The following SAXO1 variants were observed in gnomAD, a reference collection of about 807,000 sequenced individuals.
The protein encoded by SAXO1 is 4930500O09Rik.
Under a neutral mutation model 17.5 loss-of-function variants are expected in SAXO1, and 21 were observed. The ratio of observed to expected loss-of-function variants is 1.20; its 90% confidence interval spans 0.85 to 1.72. The LOEUF is 1.72. Among genes scored for constraint, SAXO1 ranks in the 40% most tolerant of loss-of-function variants. The pLI is 0.00. For synonymous variants in SAXO1, 274 were observed against 216.5 expected (o/e 1.27, Z -2.33); for missense variants, 843 against 596.0 (o/e 1.41, Z -4.32).
chr9:18,960,756 G>A (rs138645078), intron 1 of SAXO1, among the ~76,000 whole-genome samples: 135 of 152,046 alleles, frequency 8.9e-4, no homozygotes, highest in Non-Finnish European at 1.5e-3. Flanking sequence ...ACTCCAGCCA[G>A]GACAACAGAG....
At chr9:18,990,779 C>T (rs576633585) in intron 1 of SAXO1, among the ~76,000 whole-genome samples, 13 of 152,248 alleles carry the variant, frequency 8.5e-5, no homozygotes, top group Non-Finnish European at 1.5e-4. Flanking sequence ...CAGTGAACTG[C>T]GCATGCAAGC....
chr9:19,037,494 T>C (rs1835970543), upstream of SAXO1, among the ~76,000 whole-genome samples: 1 of 152,196 alleles, frequency 6.6e-6, no homozygotes, highest in Non-Finnish European at 1.5e-5. Flanking sequence ...GTTCTCATGG[T>C]AGTAAGTCTC....
chr9:18,934,737 A>G (rs1831215082), intron 3 of SAXO1, among the ~76,000 whole-genome samples: 1 of 151,922 alleles, frequency 6.6e-6, no homozygotes, highest in South Asian at 2.1e-4. Flanking sequence ...ACATCTTACA[A>G]TTTTTTTGTG....
rs149299364 is a variant in SAXO1, at chr9:18,978,922, T to A, written c.39-27985A>T. ...AGTTACTCTCTTTTCAAAGAAAGTT[T>A]ACTCCAGTTGAAAAATAAGAAAGAC... On this transcript the variant is annotated intron_variant, in intron 1 of 3. Coordinates refer to ENST00000380534, the MANE Select transcript of SAXO1 (RefSeq NM_153707.4). 3.4e-3 allele frequency among the ~76,000 whole-genome samples: 516 copies of A among 152,318 alleles called. 1 individual carries two copies. The highest frequency in any genetic ancestry group is 0.012 in the African/African-American group (492 of 41,560).
chr9:18,979,280 G>C (rs1468183356), intron 1 of SAXO1, among the ~76,000 whole-genome samples: 1 of 152,134 alleles, frequency 6.6e-6, no homozygotes, highest in Non-Finnish European at 1.5e-5. Flanking sequence ...TAAAACAAGA[G>C]GAAGAATTCC....
chr9:19,002,834 A>G (rs1447975786), intron 1 of SAXO1, among the ~76,000 whole-genome samples: 1 of 152,246 alleles, frequency 6.6e-6, no homozygotes, highest in Non-Finnish European at 1.5e-5. Context: ...AAACTGGCAC[A>G]AGACAAGGAT....
chr9:19,027,696 T>G (rs1339324139), intron 1 of SAXO1: 2 of 1,357,600 alleles, frequency 1.5e-6, no homozygotes, highest in African/African-American at 2.9e-5. Context: ...ACTGATGAGC[T>G]GGATGCCATA....
At chr9:18,942,248 T>A (rs1831595023) in intron 2 of SAXO1, among the ~76,000 whole-genome samples, 1 of 152,214 alleles carries the variant, frequency 6.6e-6, no homozygotes, top group Non-Finnish European at 1.5e-5. Flanking sequence ...GGAAATCAGA[T>A]GGCTTTCCCC....
At chr9:18,950,142 G>A (rs1831970391) in intron 2 of SAXO1, among the ~76,000 whole-genome samples, 1 of 152,142 alleles carries the variant, frequency 6.6e-6, no homozygotes, top group Non-Finnish European at 1.5e-5. Flanking sequence ...CCTCTGCAAC[G>A]CTAATATACT....
chr9:19,046,951 C>G (rs1836231121), intron 1 of SAXO1, among the ~76,000 whole-genome samples: 1 of 152,202 alleles, frequency 6.6e-6, no homozygotes, highest in Admixed American at 6.5e-5. Context: ...CTTTGGGAAG[C>G]TGAGGCGGGC....
intron 1 of SAXO1, among the ~76,000 whole-genome samples, chr9:19,008,653 C>G (rs984900247): frequency 6.6e-6 from 1 of 152,146 alleles, no homozygotes; most frequent in African/African-American, 2.4e-5. Context: ...ACTGTGCCAG[C>G]TGTAAAGTCT....
chr9:19,040,292 C>G (rs1836047438), intron 1 of SAXO1, among the ~76,000 whole-genome samples: 1 of 152,098 alleles, frequency 6.6e-6, no homozygotes, highest in Admixed American at 6.6e-5. Context: ...GACACATGAG[C>G]ATTTGGGAAA....
chr9:18,938,369 G>A (rs1302131468), intron 3 of SAXO1, among the ~76,000 whole-genome samples: 1 of 152,098 alleles, frequency 6.6e-6, no homozygotes, highest in African/African-American at 2.4e-5. Flanking sequence ...TGTTTCTGGG[G>A]AGGCCTCAGG....
intron 3 of SAXO1, among the ~76,000 whole-genome samples, chr9:18,933,998 AT>A (rs1831178325): frequency 6.6e-6 from 1 of 152,312 alleles, no homozygotes; most frequent in South Asian, 2.1e-4. Context: ...GTGAGCCGAG[AT>A]TGCAGCCACT....
At chr9:19,043,085 T>C (rs185330223) in intron 1 of SAXO1, among the ~76,000 whole-genome samples, 117 of 151,858 alleles carry the variant, frequency 7.7e-4, no homozygotes, top group Non-Finnish European at 1.3e-3. Context: ...GGTGGGAGGA[T>C]CACTTGAGCC....
At chr9:18,965,931 C>T (rs10963879) in intron 1 of SAXO1, among the ~76,000 whole-genome samples, 81,866 of 152,090 alleles carry the variant, frequency 0.54, 25,453 homozygotes, top group Non-Finnish European at 0.7. Context: ...TGTTGTAAGG[C>T]AGGGCTGGTA....
intron 1 of SAXO1, among the ~76,000 whole-genome samples, chr9:18,971,690 T>A (rs1481364300): frequency 6.6e-6 from 1 of 152,230 alleles, no homozygotes; most frequent in Admixed American, 6.5e-5. Flanking sequence ...ATACTGTGTG[T>A]TCATAATTCA....
intron 1 of SAXO1, among the ~76,000 whole-genome samples, chr9:19,048,902 A>C (rs1308328615): frequency 1.3e-5 from 2 of 152,216 alleles, no homozygotes; most frequent in East Asian, 3.8e-4. Flanking sequence ...GGAAGCCAGG[A>C]TGTCTCCTAG....
intron 1 of SAXO1, among the ~76,000 whole-genome samples, chr9:19,030,780 C>G (rs969384284): frequency 6.6e-6 from 1 of 152,126 alleles, no homozygotes; most frequent in African/African-American, 2.4e-5. Flanking sequence ...TCAAAATTTT[C>G]ACCCAGGGTG....
Sources: gnomAD v4.1 joint callset for allele counts (sites outside exome capture counted in the v4.1 genomes callset) on GRCh38, gnomAD v4.1.1 for gene constraint, MANE v1.5 for transcripts, NCBI Gene and HGNC (gene_info 2026-07-23, HGNC 2026-07-21) for gene names.